Variants in RNF150 observed in about 807,000 individuals in gnomAD.
The protein encoded by RNF150 is ring finger protein 150.
In RNF150, 24 loss-of-function variants were observed where a neutral mutation model predicts 39.3. That is an observed-to-expected ratio of 0.61 (90% CI 0.44 to 0.86). The LOEUF (loss-of-function observed/expected upper bound fraction) is 0.86, where lower values mean the gene tolerates loss of function less well. Ranked by LOEUF, RNF150 falls within the 40% of genes least tolerant of loss-of-function variation. The pLI is 0.00. For missense variants in RNF150, 502 were observed against 587.8 expected (o/e 0.85, Z 1.51); for synonymous variants, 255 against 227.3 (o/e 1.12, Z -1.10).
At position 141,095,516 on chromosome 4, in the gene RNF150, G is replaced by A. The variant is rs989465323; in HGVS notation, c.484+36809C>T. Among the ~76,000 whole-genome samples, 10 of 152,288 alleles carry A rather than the reference G, an allele frequency of 6.6e-5. No individual in the cohort carries two copies. In the East Asian group the frequency reaches 1.3e-3, roughly 21 times the overall value. On this transcript the variant is annotated intron_variant, in intron 1 of 6. Coordinates refer to ENST00000515673, the MANE Select transcript of RNF150 (RefSeq NM_020724.2). Reference sequence around the variant, plus strand: ...TTCATGCAATGAATATCCTACATGCGTCAAAATGATTGAATCTCAAAAACA... The same window carrying A: ...TTCATGCAATGAATATCCTACATGCATCAAAATGATTGAATCTCAAAAACA...
At chr4:141,211,067 G>T (rs1352186171) in intron 1 of RNF150, among the ~76,000 whole-genome samples, 1 of 152,110 alleles carries the variant, frequency 6.6e-6, no homozygotes, top group African/African-American at 2.4e-5. Context: ...TTGCATCACT[G>T]TCCTTGTCTT....
At chr4:140,929,587 C>T (rs1202048737) in intron 4 of RNF150, among the ~76,000 whole-genome samples, 3 of 151,814 alleles carry the variant, frequency 2.0e-5, no homozygotes, top group Non-Finnish European at 4.4e-5. Flanking sequence ...AGGATGGTCT[C>T]GATCTCCTGA....
chr4:141,038,674 C>G (rs1173985004), intron 1 of RNF150, among the ~76,000 whole-genome samples: 2 of 151,464 alleles, frequency 1.3e-5, no homozygotes, highest in African/African-American at 4.9e-5. Flanking sequence ...CTGGGCAAGA[C>G]AGCAAGACCC....
In RNF150 at chr4:141,132,617, G is replaced by A. The variant is rs1726927874; in HGVS notation, c.192C>T (p.Gly64=). The A allele has an allele frequency of 6.5e-7, 1 of 1,539,750 alleles. No homozygotes were observed. The highest frequency in any genetic ancestry group is 8.7e-7 in the Non-Finnish European group (1 of 1,146,198). The change falls in exon 1 of 7, where the codon GGC becomes GGT. Residue 64 remains glycine, a synonymous_variant. Transcript: ENST00000515673. The surrounding 1 kb of genome is among the most constrained non-coding windows in gnomAD (Gnocchi z 4.9). ...CCGTCTTCTCCGTGTGCAGCTCCGC[G>A]CCGCCGCCGCCCGCCGCCCCGGCCC... ...DPGAGAAGGG[G]AELHTEKTEC...
chr4:140,907,476 G>A (rs772618767), intron 6 of RNF150, among the ~76,000 whole-genome samples: 130 of 152,164 alleles, frequency 8.5e-4, no homozygotes, highest in Non-Finnish European at 1.6e-3. Flanking sequence ...TCACTCTGAA[G>A]GCAATCTGTT....
At chr4:141,188,252 C>T (rs1380180511) in intron 1 of RNF150, among the ~76,000 whole-genome samples, 3 of 152,116 alleles carry the variant, frequency 2.0e-5, no homozygotes, top group African/African-American at 7.2e-5. Flanking sequence ...GTGGGTAACC[C>T]GACCTTTCTC....
intron 1 of RNF150, among the ~76,000 whole-genome samples, chr4:140,994,881 T>C (rs934737302): frequency 6.6e-6 from 1 of 152,222 alleles, no homozygotes; most frequent in African/African-American, 2.4e-5. Flanking sequence ...CCTATATTTA[T>C]GAGGTACATG....
intron 1 of RNF150, among the ~76,000 whole-genome samples, chr4:141,094,404 T>C (rs1443959689): frequency 6.6e-6 from 1 of 152,242 alleles, no homozygotes; most frequent in Non-Finnish European, 1.5e-5. Context: ...TGGAATATTG[T>C]CTTTAAAATG....
At chr4:141,177,187 A>G (rs1727828462) in intron 1 of RNF150, among the ~76,000 whole-genome samples, 1 of 152,048 alleles carries the variant, frequency 6.6e-6, no homozygotes, top group African/African-American at 2.4e-5. Flanking sequence ...AGCAGTAATC[A>G]CATTACTGTA....
chr4:140,919,486 G>T (rs1284769092), intron 5 of RNF150, among the ~76,000 whole-genome samples: 1 of 148,656 alleles, frequency 6.7e-6, no homozygotes, highest in Non-Finnish European at 1.5e-5. Flanking sequence ...CAAGGGACGT[G>T]AAGGACCTCT....
At chr4:140,873,075 T>C (rs1407217854) in intron 6 of RNF150, among the ~76,000 whole-genome samples, 1 of 152,240 alleles carries the variant, frequency 6.6e-6, no homozygotes, top group Non-Finnish European at 1.5e-5. Flanking sequence ...TGACCCTTGA[T>C]GCTGTTTTGT....
chr4:141,195,303 C>G (rs1054970579), intron 1 of RNF150, among the ~76,000 whole-genome samples: 1 of 152,164 alleles, frequency 6.6e-6, no homozygotes, highest in Non-Finnish European at 1.5e-5. Flanking sequence ...TGGAAGGCCT[C>G]CAGACTCCAT....
In RNF150 at chr4:141,024,198, G is replaced by A. The variant is rs1420546610; in HGVS notation, c.485-56325C>T. Among the ~76,000 whole-genome samples, 3 of 152,100 alleles carry A rather than the reference G, an allele frequency of 2.0e-5. No homozygotes were observed. In the East Asian group the frequency reaches 5.8e-4, roughly 29 times the overall value. On this transcript the variant is annotated intron_variant, in intron 1 of 6. Coordinates refer to ENST00000515673, the MANE Select transcript of RNF150 (RefSeq NM_020724.2). ...AAGCTGGAGTTCAGATTTGTCTCTA[G>A]CAATGGGACTACAGAATAGTGTTAC...
intron 1 of RNF150, among the ~76,000 whole-genome samples, chr4:141,019,361 AT>A: frequency 6.6e-6 from 1 of 151,996 alleles, no homozygotes; most frequent in African/African-American, 2.4e-5. Context: ...ATTTAAAACT[AT>A]TTTTTCCAGG....
chr4:141,021,363 T>C (rs1735484716), intron 1 of RNF150, among the ~76,000 whole-genome samples: 1 of 152,192 alleles, frequency 6.6e-6, no homozygotes, highest in Admixed American at 6.5e-5. Flanking sequence ...AGAGAATCTT[T>C]GTCAGTTGTA....
intron 1 of RNF150, among the ~76,000 whole-genome samples, chr4:141,016,724 T>A (rs1196673189): frequency 6.6e-6 from 1 of 152,222 alleles, no homozygotes; most frequent in Non-Finnish European, 1.5e-5. Flanking sequence ...ACAATCTACT[T>A]CTGCCTGAAA....
intron 1 of RNF150, among the ~76,000 whole-genome samples, chr4:141,090,516 G>A (rs1252700320): frequency 1.3e-5 from 2 of 152,180 alleles, no homozygotes; most frequent in African/African-American, 2.4e-5. Context: ...GGAGATGGAA[G>A]CTTATCTTAG....
At chr4:141,041,959 A>T (rs1455072040) in intron 1 of RNF150, among the ~76,000 whole-genome samples, 1 of 152,026 alleles carries the variant, frequency 6.6e-6, no homozygotes, top group Non-Finnish European at 1.5e-5. Context: ...TGCTTCATGA[A>T]CCTGTAGCTT....
intron 1 of RNF150, among the ~76,000 whole-genome samples, chr4:141,026,678 A>G (rs1177458428): frequency 6.6e-6 from 1 of 152,250 alleles, no homozygotes; most frequent in Non-Finnish European, 1.5e-5. Context: ...AATGTTTCAC[A>G]AACGTATTTG....
Sources: gnomAD v4.1 joint callset for allele counts (sites outside exome capture counted in the v4.1 genomes callset) on GRCh38, gnomAD v4.1.1 for gene constraint, Gnocchi (gnomAD v3.1) non-coding constraint, MANE v1.5 for transcripts, NCBI Gene and HGNC (gene_info 2026-07-23, HGNC 2026-07-21) for gene names.